C8orf74: variants seen among roughly 807,000 people sequenced by gnomAD.
C8orf74 encodes uncharacterized protein C8orf74.
A neutral mutation model predicts 22.2 loss-of-function variants in C8orf74; 29 were observed. The observed-to-expected ratio is 1.31, with a 90% CI of 0.97 to 1.78. C8orf74 has a LOEUF of 1.78. Among genes scored for constraint, C8orf74 ranks in the 40% most tolerant of loss-of-function variants. The probability of loss-of-function intolerance (pLI) is 0.00; values close to 1 mark genes in which losing one functional copy is unlikely to be tolerated. For missense variants in C8orf74, 515 were observed against 369.9 expected (o/e 1.39, Z -3.22); for synonymous variants, 255 against 163.1 (o/e 1.56, Z -4.30).
chr8:10,700,518 A>C lies in C8orf74; in HGVS notation c.*47A>C, dbSNP rs556561826. Reference sequence around the variant, plus strand: ...GACTGACTGGGGACCAGCCACCCATAACCATGAGCCTTGCGGCACGGTGAG... The same window carrying C: ...GACTGACTGGGGACCAGCCACCCATCACCATGAGCCTTGCGGCACGGTGAG... On this transcript the variant is annotated 3_prime_UTR_variant, in exon 4 of 4. Coordinates refer to ENST00000304519, the MANE Select transcript of C8orf74 (RefSeq NM_001040032.2). 3.2e-6 allele frequency: 4 copies of C among 1,267,564 alleles called. No homozygotes were observed. In the East Asian group the frequency reaches 7.6e-5, roughly 24 times the overall value. 78.5% of individuals were successfully genotyped at this position (1,267,564 alleles called of 1,614,324 possible).
intron 2 of C8orf74, among the ~76,000 whole-genome samples, chr8:10,679,403 C>T (rs1234756950): frequency 2.0e-5 from 3 of 152,174 alleles, no homozygotes; most frequent in Non-Finnish European, 1.5e-5. Flanking sequence ...ACAGCCTTTC[C>T]TCCCTCGGCT....
chr8:10,677,798 G>A (rs1042209791), intron 2 of C8orf74, among the ~76,000 whole-genome samples: 1 of 152,100 alleles, frequency 6.6e-6, no homozygotes, highest in Non-Finnish European at 1.5e-5. Flanking sequence ...TTATATAGCC[G>A]ATGGGTGCAC....
chr8:10,677,371 C>G (rs1000192106), intron 2 of C8orf74, among the ~76,000 whole-genome samples: 1 of 152,170 alleles, frequency 6.6e-6, no homozygotes, highest in Non-Finnish European at 1.5e-5. Context: ...CATCCTAGTA[C>G]CTTTCATTAT....
At chr8:10,684,918 C>T (rs1799229548) in intron 2 of C8orf74, among the ~76,000 whole-genome samples, 1 of 152,154 alleles carries the variant, frequency 6.6e-6, no homozygotes, top group Non-Finnish European at 1.5e-5. Context: ...ACGTCGACGG[C>T]CCATCTGATA....
intron 2 of C8orf74, among the ~76,000 whole-genome samples, chr8:10,676,886 C>G (rs1053624296): frequency 6.6e-6 from 1 of 152,182 alleles, no homozygotes; most frequent in African/African-American, 2.4e-5. Context: ...CAGCCGCAAG[C>G]AGGTGGGAAG....
At chr8:10,694,378 G>T (rs550510330) in intron 2 of C8orf74, among the ~76,000 whole-genome samples, 1 of 152,050 alleles carries the variant, frequency 6.6e-6, no homozygotes, top group African/African-American at 2.4e-5. Flanking sequence ...AATTTAGAAG[G>T]TTATTTTGCC....
chr8:10,688,772 T>A (rs1799315119), intron 2 of C8orf74: 1 of 152,482 alleles, frequency 6.6e-6, no homozygotes, highest in Non-Finnish European at 1.5e-5. Flanking sequence ...CAGCCTGCCC[T>A]CTCTCCTCTC....
At chr8:10,680,496 C>G (rs1799126475) in intron 2 of C8orf74, among the ~76,000 whole-genome samples, 1 of 152,246 alleles carries the variant, frequency 6.6e-6, no homozygotes, top group Non-Finnish European at 1.5e-5. Context: ...ATCAAACAGA[C>G]AGAAGGTGCC....
In C8orf74 at chr8:10,694,139, G is replaced by C. The variant is rs942436110; in HGVS notation, c.242-3460G>C. On this transcript the variant is annotated intron_variant, in intron 2 of 3. Coordinates refer to ENST00000304519, the MANE Select transcript of C8orf74 (RefSeq NM_001040032.2). ...CCCATGCTGTTGTTCACCCAACTCT[G>C]TTCCTCTTTACTATGCACTGTCATT... Among the ~76,000 whole-genome samples the C allele has an allele frequency of 2.0e-5, 3 of 152,044 alleles. No individual in the cohort carries two copies. In the East Asian group the frequency reaches 5.8e-4, roughly 29 times the overall value.
rs541158887 is a variant in C8orf74 at position 10,700,569 on chromosome 8, G to A, written c.*98G>A. 3 of 723,082 alleles carry A rather than the reference G, an allele frequency of 4.1e-6. No individual in the cohort carries two copies. The highest frequency in any genetic ancestry group is 5.6e-5 in the East Asian group (2 of 35,564). 44.8% of individuals were successfully genotyped at this position (723,082 alleles called of 1,614,324 possible). On this transcript the variant is annotated 3_prime_UTR_variant, in exon 4 of 4. Coordinates refer to ENST00000304519, the MANE Select transcript of C8orf74 (RefSeq NM_001040032.2). ...CTCAGCACCCACAGAGAGACTTCTT[G>A]TGATTAAAAGAAACAAACCCATGCC...
At position 10,700,489 on chromosome 8, in the gene C8orf74, A is replaced by T. The variant is rs370810501; in HGVS notation, c.*18A>T. 6.7e-6 allele frequency: 10 copies of T among 1,482,984 alleles called. No individual in the cohort carries two copies. The African/African-American group carries it at 1.4e-4, about 21-fold the overall frequency. 91.9% of individuals were successfully genotyped at this position (1,482,984 alleles called of 1,614,324 possible). On this transcript the variant is annotated 3_prime_UTR_variant, in exon 4 of 4. Transcript: ENST00000304519. ...GGAAGTAGAAGGTCCCGACTGCCAC[A>T]CGAGACTGACTGGGGACCAGCCACC...
At chr8:10,678,162 G>A (rs986574334) in intron 2 of C8orf74, among the ~76,000 whole-genome samples, 6 of 152,168 alleles carry the variant, frequency 3.9e-5, no homozygotes, top group Non-Finnish European at 8.8e-5. Flanking sequence ...GAGGCTGGGG[G>A]TCCAGAGGGA....
chr8:10,695,943 G>T (rs1403693337), intron 2 of C8orf74, among the ~76,000 whole-genome samples: 2 of 152,184 alleles, frequency 1.3e-5, no homozygotes. Flanking sequence ...TCATTCTTCA[G>T]AGGGGGACAC....
intron 2 of C8orf74, among the ~76,000 whole-genome samples, chr8:10,687,669 G>C (rs1032364801): frequency 6.7e-6 from 1 of 148,912 alleles, no homozygotes; most frequent in South Asian, 2.2e-4. Context: ...ACTGCTTCCA[G>C]TGTGAAAAGA....
At chr8:10,679,707 T>C (rs896639073) in intron 2 of C8orf74, among the ~76,000 whole-genome samples, 2 of 152,200 alleles carry the variant, frequency 1.3e-5, no homozygotes, top group African/African-American at 4.8e-5. Context: ...GCCTCCCACC[T>C]GCGTTTCTGC....
intron 3 of C8orf74, 84 bp from the exon 4 acceptor site, chr8:10,700,151 C>T (rs961924312): frequency 3.1e-5 from 27 of 873,122 alleles, no homozygotes; most frequent in African/African-American, 2.6e-4. Context: ...GACACATTCT[C>T]GTACCTGCAA....
chr8:10,682,285 T>C (rs1418075662), intron 2 of C8orf74, among the ~76,000 whole-genome samples: 1 of 152,168 alleles, frequency 6.6e-6, no homozygotes, highest in African/African-American at 2.4e-5. Flanking sequence ...TAGAGGAGCA[T>C]TTCTTGGGAC....
At chr8:10,692,333 G>T in intron 2 of C8orf74, 1 of 152,888 alleles carries the variant, frequency 6.5e-6, no homozygotes, top group Non-Finnish European at 1.5e-5. Flanking sequence ...TCCTCCTGCT[G>T]CCAGAATTGG....
chr8:10,692,999 C>G (rs1008260149), intron 2 of C8orf74: 1 of 152,270 alleles, frequency 6.6e-6, no homozygotes, highest in African/African-American at 2.4e-5. Context: ...GAGAAAGACT[C>G]CATCGGGGGT....
Sources: gnomAD v4.1 joint callset for allele counts (sites outside exome capture counted in the v4.1 genomes callset) on GRCh38, gnomAD v4.1.1 for gene constraint, MANE v1.5 for transcripts, NCBI Gene and HGNC (gene_info 2026-07-23, HGNC 2026-07-21) for gene names.